Variants in MTHFD2 observed in about 807,000 individuals in gnomAD.
MTHFD2 encodes the protein bifunctional methylenetetrahydrofolate dehydrogenase/cyclohydrolase, mitochondrial.
MTHFD2 carries 26 observed loss-of-function variants against 36.8 expected under a neutral mutation model. The ratio of observed to expected loss-of-function variants is 0.71; its 90% CI spans 0.52 to 0.98. The LOEUF is 0.98. Among genes scored for constraint, MTHFD2 ranks in the 50% least tolerant of loss-of-function variants. The pLI, the probability that MTHFD2 is intolerant of heterozygous loss-of-function variation, is 0.00. For synonymous variants in MTHFD2, 164 were observed against 155.2 expected (o/e 1.06, Z -0.42); for missense variants, 373 against 434.0 (o/e 0.86, Z 1.25).
At chr2:74,199,918 T>C (rs6749199) in intron 1 of MTHFD2, among the ~76,000 whole-genome samples, 7,540 of 152,202 alleles carry the variant, frequency 0.05, 555 homozygotes, top group African/African-American at 0.16. Context: ...CAGCCCCTTC[T>C]TTTTTTCATC....
At chr2:74,213,339 G>C (rs6546894) in intron 7 of MTHFD2, among the ~76,000 whole-genome samples, 71,094 of 144,660 alleles carry the variant, frequency 0.49, 18,316 homozygotes, top group African/African-American at 0.65. Context: ...TACAGTGGCA[G>C]GATCTCAGCT....
At chr2:74,208,528 G>C in intron 3 of MTHFD2, 41 bp from the exon 4 acceptor site, 1 of 1,603,876 alleles carries the variant, frequency 6.2e-7, no homozygotes, top group Non-Finnish European at 8.5e-7. Context: ...TGCTGACTAT[G>C]CGGTGGTGAT....
intron 1 of MTHFD2, among the ~76,000 whole-genome samples, chr2:74,203,848 TTA>T (rs1491260369): frequency 3.0e-5 from 1 of 33,122 alleles, no homozygotes; most frequent in South Asian, 6.9e-4. Context: ...CTCATCTAGT[TTA>T]GTTTAGTTTA....
Position 74,199,151 on chromosome 2 carries a change from A to G in MTHFD2, c.101+409A>G, listed in dbSNP as rs533623547. ...GGGGGAGAACAGGCGAGGGTTCCAA[A>G]AGAGCAGCCCTCGGCGAGTTGTCCT... is the stretch of plus-strand genomic sequence containing the variant. On this transcript the variant is annotated intron_variant, in intron 1 of 7. Coordinates refer to ENST00000394053, the MANE Select transcript of MTHFD2 (RefSeq NM_006636.4). Among the ~76,000 whole-genome samples, 3 of 152,284 alleles carry G rather than the reference A, an allele frequency of 2.0e-5. No individual in the cohort carries two copies. In the East Asian group the frequency reaches 5.8e-4, roughly 29 times the overall value.
intron 1 of MTHFD2, among the ~76,000 whole-genome samples, chr2:74,202,805 T>C (rs1277565580): frequency 1.3e-5 from 2 of 152,118 alleles, no homozygotes; most frequent in Non-Finnish European, 2.9e-5. Flanking sequence ...GGATTACAGA[T>C]GTGAGCCACC....
chr2:74,210,718 G>C (rs570531836), intron 5 of MTHFD2, among the ~76,000 whole-genome samples: 45 of 151,088 alleles, frequency 3.0e-4, no homozygotes, highest in African/African-American at 1.0e-3. Flanking sequence ...TATGATATTA[G>C]GTATTAATTT....
intron 7 of MTHFD2, among the ~76,000 whole-genome samples, chr2:74,213,772 T>G (rs904940112): frequency 6.6e-6 from 1 of 152,222 alleles, no homozygotes; most frequent in Non-Finnish European, 1.5e-5. Flanking sequence ...GAAAATGCTA[T>G]AGGCAGGTAT....
chr2:74,204,265 A>G (rs1186389804), intron 1 of MTHFD2, among the ~76,000 whole-genome samples: 1 of 152,100 alleles, frequency 6.6e-6, no homozygotes, highest in African/African-American at 2.4e-5. Context: ...ATGTGTGAAA[A>G]TAGGAAAACT....
At chr2:74,205,398 A>T (rs1410844245) in intron 1 of MTHFD2, among the ~76,000 whole-genome samples, 1 of 152,220 alleles carries the variant, frequency 6.6e-6, no homozygotes, top group Middle Eastern at 3.2e-3. Context: ...TGTGAGACTC[A>T]GCTTGACCAA....
chr2:74,199,745 G>A (rs1161054856), intron 1 of MTHFD2, among the ~76,000 whole-genome samples: 1 of 150,052 alleles, frequency 6.7e-6, no homozygotes, highest in African/African-American at 2.4e-5. Flanking sequence ...TAAGGTTTAT[G>A]TTATGTGAAT....
chr2:74,203,250 C>A (rs1005777647), intron 1 of MTHFD2, among the ~76,000 whole-genome samples: 4 of 152,128 alleles, frequency 2.6e-5, no homozygotes, highest in African/African-American at 9.7e-5. Context: ...AAGTGATCTG[C>A]CCACCTTGGC....
chr2:74,217,094 TAC>T lies in MTHFD2; in HGVS notation c.*2854_*2855del, dbSNP rs941124737. The T allele has an allele frequency of 6.6e-6, 1 of 152,204 alleles. No homozygotes were observed. The highest frequency in any genetic ancestry group is 1.5e-5 in the Non-Finnish European group (1 of 68,042). 9.4% of individuals were successfully genotyped at this position (152,204 alleles called of 1,614,324 possible). On this transcript the variant is annotated 3_prime_UTR_variant, in exon 8 of 8. Transcript: ENST00000394053. ...AGGCACTACACTAGACGCTGGGAAT[TAC>T]AGAGGCAATTACCTGTCCTATACTC...
At chr2:74,199,192 G>A (rs1693979925) in intron 1 of MTHFD2, among the ~76,000 whole-genome samples, 1 of 152,202 alleles carries the variant, frequency 6.6e-6, no homozygotes, top group Admixed American at 6.5e-5. Context: ...GGACCCTAGC[G>A]GCGGAGGGCG....
chr2:74,203,904 TAG>T (rs1694110804), intron 1 of MTHFD2, among the ~76,000 whole-genome samples: 1 of 20,248 alleles, frequency 4.9e-5, no homozygotes, highest in African/African-American at 3.2e-4. Context: ...TAGTTTAGTT[TAG>T]TTAGTTTAGT....
At chr2:74,203,531 C>CA (rs1694090895) in intron 1 of MTHFD2, among the ~76,000 whole-genome samples, 1 of 152,098 alleles carries the variant, frequency 6.6e-6, no homozygotes. Context: ...CCTGTATTCT[C>CA]AGCTATGGAG....
In MTHFD2 at chr2:74,210,011, T is replaced by C. The variant is rs2103827670; in HGVS notation, c.632T>C (p.Met211Thr). The C allele has an allele frequency of 6.2e-7, 1 of 1,613,828 alleles. No individual in the cohort carries two copies. The highest frequency in any genetic ancestry group is 8.5e-7 in the Non-Finnish European group (1 of 1,179,838). The change falls in exon 5 of 8, where the codon ATG becomes ACG. Residue 211 changes from methionine to threonine, a missense_variant. Coordinates refer to ENST00000394053, the MANE Select transcript of MTHFD2 (RefSeq NM_006636.4). ...RSKNVGMPIA[M>T]LLHTDGAHER... ...AAAAACGTTGGAATGCCCATTGCAA[T>C]GTTACTGCACACAGATGGGGCGCAT...
chr2:74,207,599 G>A, intron 2 of MTHFD2, 105 bp from the exon 3 acceptor site: 2 of 1,072,180 alleles, frequency 1.9e-6, no homozygotes, highest in Non-Finnish European at 2.7e-6. Flanking sequence ...TTAGGGATGA[G>A]TGTGATGATA....
chr2:74,203,024 G>A (rs1694075835), intron 1 of MTHFD2, among the ~76,000 whole-genome samples: 1 of 151,872 alleles, frequency 6.6e-6, no homozygotes, highest in East Asian at 1.9e-4. Flanking sequence ...TTTTTGAGAT[G>A]GAGTCTTGCC....
chr2:74,199,738 G>A (rs1385108046), intron 1 of MTHFD2, among the ~76,000 whole-genome samples: 1 of 149,904 alleles, frequency 6.7e-6, no homozygotes, highest in African/African-American at 2.5e-5. Flanking sequence ...AAGTTGATAA[G>A]GTTTATGTTA....
Sources: gnomAD v4.1 joint callset for allele counts (sites outside exome capture counted in the v4.1 genomes callset) on GRCh38, gnomAD v4.1.1 for gene constraint, MANE v1.5 for transcripts, NCBI Gene and HGNC (gene_info 2026-07-23, HGNC 2026-07-21) for gene names.